YIPF6: variants seen among roughly 807,000 people sequenced by gnomAD.
The protein encoded by YIPF6 is protein YIPF6.
Under a neutral mutation model 16.8 loss-of-function variants are expected in YIPF6, and 3 were observed. The observed-to-expected ratio is 0.18, with a 90% CI of 0.08 to 0.46. The LOEUF (loss-of-function observed/expected upper bound fraction) is 0.46, where lower values mean the gene tolerates loss of function less well. Ranked by LOEUF, YIPF6 falls within the 20% of genes least tolerant of loss-of-function variation. The pLI, the probability that YIPF6 is intolerant of heterozygous loss-of-function variation, is 0.98. For synonymous variants in YIPF6, 67 were observed against 61.9 expected (o/e 1.08, Z -0.38); for missense variants, 145 against 184.9 (o/e 0.78, Z 1.25).
chrX:68,510,692 G>C (rs1160470584), intron 1 of YIPF6: 1 of 110,277 alleles, frequency 9.1e-6, no homozygotes, highest in Non-Finnish European at 1.9e-5. Flanking sequence ...GGAGTGCAAT[G>C]GCGTGATCTC....
intron 3 of YIPF6, 147 bp from the exon 4 acceptor site, chrX:68,518,623 G>T (rs1290045598): frequency 3.6e-6 from 2 of 559,140 alleles, no homozygotes; most frequent in Non-Finnish European, 5.7e-6. Flanking sequence ...TTAGGGGACA[G>T]GGAGGGCAGG....
In YIPF6 at chrX:68,532,238, A is replaced by G. The variant is rs765402682; in HGVS notation, c.*239A>G. On this transcript the variant is annotated 3_prime_UTR_variant, in exon 7 of 7. Transcript: ENST00000462683. The stretch of plus-strand genomic sequence containing the variant: ...TTCTTTAAAAATACATGTGCATACT[A>G]CACACAGTATATAATGCCTCCTTAA... 1 of 305,342 alleles carries G rather than the reference A, an allele frequency of 3.3e-6. No individual in the cohort carries two copies. Among genetic ancestry groups the G allele is most frequent in the Non-Finnish European group, 5.7e-6 (1 of 176,409 alleles). 25.2% of individuals were successfully genotyped at this position (305,342 alleles called of 1,213,427 possible).
At chrX:68,513,239 G>A in intron 2 of YIPF6, 88 bp from the exon 3 acceptor site, 2 of 699,697 alleles carry the variant, frequency 2.9e-6, no homozygotes. Flanking sequence ...GTTCACAGGA[G>A]ATTGAAATGA....
intron 6 of YIPF6, among the ~76,000 whole-genome samples, chrX:68,531,411 C>T (rs894377741): frequency 8.9e-5 from 10 of 111,921 alleles, no homozygotes; most frequent in Non-Finnish European, 1.9e-4. Flanking sequence ...AGGCATGAGC[C>T]ACTGTGCCTG....
intron 1 of YIPF6, among the ~76,000 whole-genome samples, chrX:68,502,420 T>G (rs1161556060): frequency 9.0e-6 from 1 of 111,617 alleles, no homozygotes; most frequent in Non-Finnish European, 1.9e-5. Context: ...ATTCAGTTGG[T>G]CTGGGATAGG....
In YIPF6 at chrX:68,535,205, G is replaced by A. The variant is rs2079186926; in HGVS notation, c.*3206G>A. On this transcript the variant is annotated 3_prime_UTR_variant, in exon 7 of 7. Transcript: ENST00000462683. Reference sequence around the variant, plus strand: ...GGCAAGGTGGGGTCACAGGACATGGGACTAGTAAGCATTTTACTGTTTACT... The same window carrying A: ...GGCAAGGTGGGGTCACAGGACATGGAACTAGTAAGCATTTTACTGTTTACT... 8.9e-6 allele frequency: 1 copy of A among 112,436 alleles called. No individual in the cohort carries two copies. The highest frequency in any genetic ancestry group is 3.2e-5 in the African/African-American group (1 of 30,990). The allele number at this position is 112,436 out of a possible 1,213,427, so 9.3% of individuals were successfully genotyped here. A position where few individuals can be genotyped will look rare whatever the true frequency, so the allele number is the denominator to read the frequency against.
intron 1 of YIPF6, among the ~76,000 whole-genome samples, chrX:68,504,434 T>C (rs1317242839): frequency 9.0e-6 from 1 of 111,547 alleles, no homozygotes; most frequent in Admixed American, 9.6e-5. Context: ...GTTTCTGACG[T>C]GGTTAGCCCC....
chrX:68,515,455 C>T (rs2079098732), intron 3 of YIPF6: 1 of 112,055 alleles, frequency 8.9e-6, no homozygotes, highest in Non-Finnish European at 1.9e-5. Context: ...ATTTTTTCAA[C>T]TTTTTGTTAA....
chrX:68,518,860 T>C lies in YIPF6; in HGVS notation c.308+48T>C, dbSNP rs756391413. The C allele has an allele frequency of 1.6e-5, 17 of 1,094,570 alleles. No individual in the cohort carries two copies. In the South Asian group the frequency reaches 2.3e-4, roughly 15 times the overall value. 90.2% of individuals were successfully genotyped at this position (1,094,570 alleles called of 1,213,427 possible). ...TTTGTCATTTGAGCTAGACTAGACT[T>C]TTTTGTGGATTTCCAAAATTGTGGG... On this transcript the variant is annotated intron_variant, in intron 4 of 6. Transcript: ENST00000462683.
chrX:68,518,673 G>A (rs1040750340), intron 3 of YIPF6, 97 bp from the exon 4 acceptor site: 1 of 1,037,236 alleles, frequency 9.6e-7, no homozygotes, highest in Non-Finnish European at 1.3e-6. Context: ...GCCAGCCAAA[G>A]AGAGCCTTGA....
chrX:68,500,309 CT>C (rs1229312985), intron 1 of YIPF6, among the ~76,000 whole-genome samples: 5 of 109,152 alleles, frequency 4.6e-5, no homozygotes, highest in African/African-American at 6.7e-5. Flanking sequence ...TCCCTTTCCT[CT>C]TTTTTTTTCT....
intron 4 of YIPF6, among the ~76,000 whole-genome samples, chrX:68,519,275 GAGA>G (rs1485813587): frequency 9.0e-6 from 1 of 111,097 alleles, no homozygotes; most frequent in Non-Finnish European, 1.9e-5. Flanking sequence ...GACGGGGAAG[GAGA>G]AGAAGGTTAC....
At chrX:68,508,991 T>TTTGCTG (rs1729176967) in intron 1 of YIPF6, among the ~76,000 whole-genome samples, 1 of 111,246 alleles carries the variant, frequency 9.0e-6, no homozygotes, top group Non-Finnish European at 1.9e-5. Flanking sequence ...CTTTGTTTGT[T>TTTGCTG]TTGTTGTTGT....
Position 68,531,930 on chromosome X carries a change from A to G in YIPF6, c.642A>G (p.Leu214=), listed in dbSNP as rs766429848. 2.9e-5 allele frequency: 35 copies of G among 1,200,561 alleles called. No homozygotes were observed. The highest frequency in any genetic ancestry group is 2.7e-4 in the South Asian group (15 of 55,601). The part of the protein sequence containing the change: ...ADSQPPNRRA[L]AVYPVFLFYF... ...GCCAGCCTCCAAACCGCAGAGCCCT[A>G]GCTGTTTATCCTGTTTTCCTGTTTT... The change falls in exon 7 of 7, where the codon CTA becomes CTG. Residue 214 remains leucine (L), a synonymous_variant. Coordinates refer to ENST00000462683, the MANE Select transcript of YIPF6 (RefSeq NM_173834.4).
rs573117098 is a variant in YIPF6 at position 68,502,732 on chromosome X, T to G, written c.57+3609T>G. On this transcript the variant is annotated intron_variant, in intron 1 of 6. Coordinates refer to ENST00000462683, the MANE Select transcript of YIPF6 (RefSeq NM_173834.4). ...TTGCCTAGAGTTGTTGATTTAGGAG[T>G]CATCTGCACAGGGTTAAAAAGACAG... 8.1e-5 allele frequency among the ~76,000 whole-genome samples: 9 copies of G among 110,633 alleles called. No individual in the cohort carries two copies. The South Asian group carries it at 3.5e-3, about 43-fold the overall frequency.
chrX:68,500,527 C>G (rs1259934890), intron 1 of YIPF6, among the ~76,000 whole-genome samples: 1 of 111,078 alleles, frequency 9.0e-6, no homozygotes, highest in Non-Finnish European at 1.9e-5. Flanking sequence ...GTTGGCCAGG[C>G]TAGTCTCGAA....
At chrX:68,499,829 G>A (rs1351870230) in intron 1 of YIPF6, among the ~76,000 whole-genome samples, 1 of 111,461 alleles carries the variant, frequency 9.0e-6, no homozygotes. Flanking sequence ...TTGTAGAGAC[G>A]GGGTTTTACC....
At chrX:68,510,583 ATATTTTATT>A (rs1375509201) in intron 1 of YIPF6, 16 of 89,296 alleles carry the variant, frequency 1.8e-4, no homozygotes, top group East Asian at 1.2e-3. Context: ...TTTATATTTT[ATATTTTATT>A]TATTTTATTT....
chrX:68,531,840 T>C (rs12840874), intron 6 of YIPF6, 41 bp from the exon 7 acceptor site: 55 of 901,774 alleles, frequency 6.1e-5, no homozygotes, highest in Non-Finnish European at 8.5e-5. Context: ...ACAATATTAC[T>C]GTATTAAACA....
Sources: allele counts gnomAD v4.1 joint callset (sites outside exome capture counted in the v4.1 genomes callset), GRCh38; gene constraint gnomAD v4.1.1; transcripts MANE v1.5; gene names NCBI Gene and HGNC (gene_info 2026-07-23, HGNC 2026-07-21).